The following NT5C3A variants were observed in gnomAD, a reference collection of about 807,000 sequenced individuals.
NT5C3A encodes the protein cytosolic 5'-nucleotidase 3A.
In NT5C3A, 23 loss-of-function variants were observed where a neutral mutation model predicts 40.0. The observed-to-expected ratio is 0.58, with a 90% confidence interval of 0.41 to 0.81. NT5C3A has a LOEUF of 0.81. Ranked by LOEUF, NT5C3A falls within the 40% of genes least tolerant of loss-of-function variation. The pLI is 0.00. For missense variants in NT5C3A, 328 were observed against 403.0 expected (o/e 0.81, Z 1.59); for synonymous variants, 130 against 141.4 (o/e 0.92, Z 0.57).
chr7:33,041,682 G>T (rs2392212), intron 1 of NT5C3A, among the ~76,000 whole-genome samples: 152,238 of 152,242 alleles, frequency 1, 76,117 homozygotes, highest in Middle Eastern at 1. Flanking sequence ...TTTTAAAAAT[G>T]GGGGGAAAAA....
chr7:33,042,655 C>T lies in NT5C3A; in HGVS notation c.139-15740G>A, dbSNP rs184207997. 5.9e-5 allele frequency among the ~76,000 whole-genome samples: 9 copies of T among 152,260 alleles called. No individual in the cohort carries two copies. The East Asian group carries it at 1.7e-3, about 29-fold the overall frequency. ...ATGATTCACAGATCACTTTCAACAA[C>T]CAAGAATATTGAAATGATAGTTCTA... On this transcript the variant is annotated intron_variant, in intron 1 of 8. Transcript: ENST00000610140.
chr7:33,056,813 T>A (rs1253956120), intron 1 of NT5C3A, among the ~76,000 whole-genome samples: 1 of 152,126 alleles, frequency 6.6e-6, no homozygotes, highest in East Asian at 1.9e-4. Flanking sequence ...CATGTGATAT[T>A]TTCTTTGTTT....
In NT5C3A at chr7:33,026,924, A is replaced by G. The variant is rs775581208; in HGVS notation, c.139-9T>C. On this transcript the variant is annotated splice_polypyrimidine_tract_variant and intron_variant, in intron 1 of 8. Transcript: ENST00000610140. Reference sequence around the variant, plus strand: ...TTCTGGAATTCTGGCATCTAAAAGTAAAAGAAAATTAATTAATTAGTTTTC... The same window carrying G: ...TTCTGGAATTCTGGCATCTAAAAGTGAAAGAAAATTAATTAATTAGTTTTC... 2 of 1,578,814 alleles carry G rather than the reference A, an allele frequency of 1.3e-6. No homozygotes were observed. Among genetic ancestry groups the G allele is most frequent in the South Asian group, 2.2e-5 (2 of 90,272 alleles).
At chr7:33,041,532 A>C (rs1786911538) in intron 1 of NT5C3A, among the ~76,000 whole-genome samples, 1 of 152,228 alleles carries the variant, frequency 6.6e-6, no homozygotes, top group Non-Finnish European at 1.5e-5. Context: ...ATAAACAAAA[A>C]GACATGATAT....
chr7:33,014,817 T>C lies in NT5C3A; in HGVS notation c.909A>G (p.Leu303=). The C allele has an allele frequency of 6.2e-7, 1 of 1,612,400 alleles. No homozygotes were observed. The highest frequency in any genetic ancestry group is 8.5e-7 in the Non-Finnish European group (1 of 1,179,524). ...TATCATAAGAGTCCATGTACTTTTC[T>C]AAAAGCTCATCCACCTAATCAAGAG... is the stretch of plus-strand genomic sequence containing the variant. ...GYLNDRVDEL[L]EKYMDSYDIV... The change falls in exon 9 of 9, where the codon TTA becomes TTG. Residue 303 remains leucine (L), a synonymous_variant. Transcript: ENST00000610140.
rs773645018 is a variant in NT5C3A, at chr7:33,015,755, A to G, written c.809T>C (p.Leu270Pro). Residue 270 changes from leucine to proline, a missense_variant, in exon 8 of 9, where the codon CTG becomes CCG. Around this residue, in one of 3 missense-constraint regions of NT5C3A, gnomAD observed 12 missense variants for 34.7 expected, o/e 0.35. Coordinates refer to ENST00000610140, the MANE Select transcript of NT5C3A (RefSeq NM_001002010.5). ...TCTTAAGTCTCCTTGGGAGTCTCCC[A>G]GAAGAATTATGTTACTATTGTCTTT... The part of the protein sequence containing the change: ...QLKDNSNIIL[L>P]GDSQGDLRMA... The G allele has an allele frequency of 1.1e-5, 17 of 1,610,794 alleles. No homozygotes were observed. The highest frequency in any genetic ancestry group is 2.5e-6 in the Non-Finnish European group (3 of 1,177,038).
intron 1 of NT5C3A, chr7:33,040,788 A>T: frequency 1.4e-6 from 1 of 719,350 alleles, no homozygotes; most frequent in Non-Finnish European, 1.7e-6. Context: ...AAAATGCCCA[A>T]AATTTCAGTA....
chr7:33,048,197 TGG>T (rs1787231433), intron 1 of NT5C3A, among the ~76,000 whole-genome samples: 5 of 133,396 alleles, frequency 3.7e-5, no homozygotes, highest in African/African-American at 2.8e-5. Flanking sequence ...TGTGTGTGTG[TGG>T]TTTTTTTTTG....
chr7:33,061,872 T>C (rs1437832241), intron 1 of NT5C3A, among the ~76,000 whole-genome samples: 1 of 152,174 alleles, frequency 6.6e-6, no homozygotes, highest in Admixed American at 6.5e-5. Context: ...AACAATTACT[T>C]ATAATGTATC....
intron 1 of NT5C3A, among the ~76,000 whole-genome samples, chr7:33,037,108 C>A (rs1441240705): frequency 6.6e-6 from 1 of 152,182 alleles, no homozygotes; most frequent in African/African-American, 2.4e-5. Context: ...CTGCGCCCGG[C>A]CTAAAATCTT....
intron 1 of NT5C3A, chr7:33,029,520 A>T: frequency 1.9e-6 from 1 of 526,240 alleles, no homozygotes; most frequent in Non-Finnish European, 3.3e-6. Context: ...CATATGTTTG[A>T]TTCAATAACC....
intron 1 of NT5C3A, chr7:33,035,921 G>T (rs1395988113): frequency 1.9e-6 from 3 of 1,605,034 alleles, no homozygotes; most frequent in African/African-American, 2.7e-5. Flanking sequence ...ACTGGAAATA[G>T]GCAAATACCC....
intron 3 of NT5C3A, 137 bp from the exon 4 acceptor site, chr7:33,022,236 A>G: frequency 1.6e-6 from 1 of 632,952 alleles, no homozygotes. Flanking sequence ...AGTAATGCCA[A>G]GTCAACTAGC....
intron 8 of NT5C3A, among the ~76,000 whole-genome samples, chr7:33,015,199 C>T (rs1298643455): frequency 3.3e-5 from 5 of 152,106 alleles, no homozygotes; most frequent in Non-Finnish European, 7.3e-5. Flanking sequence ...CCTCCCTTTT[C>T]CCAGTACCTA....
intron 1 of NT5C3A, among the ~76,000 whole-genome samples, chr7:33,047,464 T>C (rs1349721304): frequency 6.6e-6 from 1 of 152,190 alleles, no homozygotes; most frequent in Admixed American, 6.5e-5. Flanking sequence ...TGAAATCATA[T>C]GAAGGACTGG....
chr7:33,047,497 A>G (rs1007566048), intron 1 of NT5C3A, among the ~76,000 whole-genome samples: 1 of 152,220 alleles, frequency 6.6e-6, no homozygotes, highest in Non-Finnish European at 1.5e-5. Flanking sequence ...TGAGTTGAAT[A>G]CTATGCATCA....
intron 2 of NT5C3A, among the ~76,000 whole-genome samples, chr7:33,024,514 G>C (rs1251151878): frequency 6.6e-6 from 1 of 152,114 alleles, no homozygotes; most frequent in Non-Finnish European, 1.5e-5. Context: ...TGATCTCATG[G>C]AAACAGAGAG....
At chr7:33,031,458 C>T (rs1188678827) in intron 1 of NT5C3A, among the ~76,000 whole-genome samples, 1 of 151,754 alleles carries the variant, frequency 6.6e-6, no homozygotes, top group Admixed American at 6.6e-5. Context: ...CATGGTGGTG[C>T]ACATCTGTAG....
Position 33,039,555 on chromosome 7 carries a change from G to GTTTTTTTTTTTTTTTTT in NT5C3A, c.139-12641_139-12640insAAAAAAAAAAAAAAAAA, listed in dbSNP as rs776873396. 7.1e-5 allele frequency among the ~76,000 whole-genome samples: 5 copies of GTTTTTTTTTTTTTTTTT among 70,018 alleles called. 2 individuals carry two copies. Among genetic ancestry groups the GTTTTTTTTTTTTTTTTT allele is most frequent in the African/African-American group, 1.2e-4 (2 of 17,024 alleles). 45.9% of individuals were successfully genotyped at this position (70,018 alleles called of 152,430 possible). On this transcript the variant is annotated intron_variant, in intron 1 of 8. Transcript: ENST00000610140. ...TACTATTTGACTTTCTTAAGCTTGG[G>GTTTTTTTTTTTTTTTTT]TTTTTTGTTTTTTTTTTTTTTTAAT...
Sources: gnomAD v4.1 joint callset for allele counts (sites outside exome capture counted in the v4.1 genomes callset) on GRCh38, gnomAD v4.1.1 for gene constraint, gnomAD v4.1.1 regional missense constraint, MANE v1.5 for transcripts, NCBI Gene and HGNC (gene_info 2026-07-23, HGNC 2026-07-21) for gene names.